Variants in DPY19L2 observed in about 807,000 individuals in gnomAD.
The protein encoded by DPY19L2 is probable C-mannosyltransferase DPY19L2.
A neutral mutation model predicts 97.9 loss-of-function variants in DPY19L2; 34 were observed. The ratio of observed to expected loss-of-function variants is 0.35; its 90% CI spans 0.26 to 0.46. DPY19L2 has a LOEUF of 0.46. Ranked by LOEUF, DPY19L2 falls within the 20% of genes least tolerant of loss-of-function variation. The pLI, the probability that DPY19L2 is intolerant of heterozygous loss-of-function variation, is 1.00. For missense variants in DPY19L2, 623 were observed against 911.4 expected, an observed-to-expected ratio of 0.68 and a Z score of 4.07; for synonymous variants, 230 against 307.9, an observed-to-expected ratio of 0.75 and a Z score of 2.65.
At chr12:63,638,621 G>A (rs1310320627) in intron 6 of DPY19L2, among the ~76,000 whole-genome samples, 2 of 150,458 alleles carry the variant, frequency 1.3e-5, no homozygotes, top group African/African-American at 2.4e-5. Context: ...GTTTCAAAGA[G>A]AATACCTAGG....
At chr12:63,663,881 C>G in intron 2 of DPY19L2, 36 bp from the exon 3 acceptor site, 1 of 1,426,246 alleles carries the variant, frequency 7.0e-7, no homozygotes, top group South Asian at 1.3e-5. Context: ...ACAATAAGAA[C>G]GAGTTTCAAA....
Position 63,663,839 on chromosome 12 carries a change from ATGT to A in DPY19L2, c.366_368del (p.Leu122_His123delinsPhe). On this transcript the variant is annotated inframe_deletion, in exon 3 of 22. Coordinates refer to ENST00000324472, the MANE Select transcript of DPY19L2 (RefSeq NM_173812.5). ...GATCATTTTCAAAAAGTGTTACTAAATGTAACCTAGAAAAAAATGAAGTATCAT... is the reference window on the plus strand; with the variant it reads ...GATCATTTTCAAAAAGTGTTACTAAAAACCTAGAAAAAAATGAAGTATCAT... The A allele has an allele frequency of 6.3e-7, 1 of 1,599,182 alleles. No homozygotes were observed. Among genetic ancestry groups the A allele is most frequent in the African/African-American group, 1.3e-5 (1 of 74,178 alleles).
chr12:63,606,170 A>C (rs1404876885), intron 12 of DPY19L2, among the ~76,000 whole-genome samples: 1 of 152,104 alleles, frequency 6.6e-6, no homozygotes, highest in Non-Finnish European at 1.5e-5. Flanking sequence ...AATTTCTAAT[A>C]ATTTGTCAAT....
At chr12:63,642,321 G>A (rs1892811810) in intron 6 of DPY19L2, among the ~76,000 whole-genome samples, 1 of 151,444 alleles carries the variant, frequency 6.6e-6, no homozygotes, top group Admixed American at 6.6e-5. Flanking sequence ...ATTCTTTTGA[G>A]GAACTGAAGT....
intron 4 of DPY19L2, among the ~76,000 whole-genome samples, chr12:63,651,114 T>A (rs1333281701): frequency 6.6e-6 from 1 of 152,024 alleles, no homozygotes; most frequent in Non-Finnish European, 1.5e-5. Context: ...CCTAGAACCA[T>A]CTGATTTTCA....
chr12:63,668,474 C>G lies in DPY19L2; in HGVS notation c.-81G>C. On this transcript the variant is annotated 5_prime_UTR_variant, in exon 1 of 22. Coordinates refer to ENST00000324472, the MANE Select transcript of DPY19L2 (RefSeq NM_173812.5). The stretch of plus-strand genomic sequence containing the variant: ...GCGAGGTCCAGAGAGACCTGACTCG[C>G]CTGGCAGCCTCAACGGACTTGTCCC... 7.3e-7 allele frequency: 1 copy of G among 1,366,102 alleles called. No homozygotes were observed. Among genetic ancestry groups the G allele is most frequent in the Non-Finnish European group, 9.7e-7 (1 of 1,029,612 alleles). The allele number at this position is 1,366,102 out of a possible 1,614,324, so 84.6% of individuals were successfully genotyped here. A position where few individuals can be genotyped will look rare whatever the true frequency, so the allele number is the denominator to read the frequency against.
At chr12:63,615,052 T>C (rs116529687) in intron 11 of DPY19L2, among the ~76,000 whole-genome samples, 2,475 of 152,212 alleles carry the variant, frequency 0.016, 73 homozygotes, top group African/African-American at 0.055. Context: ...ACGAGTGTCA[T>C]GTCAGAGAAC....
chr12:63,583,904 C>T (rs1253879263), intron 16 of DPY19L2, 68 bp from the exon 17 acceptor site: 42 of 1,336,372 alleles, frequency 3.1e-5, no homozygotes, highest in Admixed American at 1.0e-4. Context: ...TAAAAATAAG[C>T]TTCATTTGCT....
intron 13 of DPY19L2, among the ~76,000 whole-genome samples, chr12:63,598,324 A>C (rs929866848): frequency 6.6e-6 from 1 of 152,208 alleles, no homozygotes; most frequent in Non-Finnish European, 1.5e-5. Flanking sequence ...TCATTTTCAC[A>C]AAGCCTCGCA....
At chr12:63,614,454 C>T (rs1161430246) in intron 11 of DPY19L2, among the ~76,000 whole-genome samples, 1 of 151,842 alleles carries the variant, frequency 6.6e-6, no homozygotes, top group African/African-American at 2.4e-5. Flanking sequence ...GTACAGTATG[C>T]AATACTCTGT....
intron 12 of DPY19L2, among the ~76,000 whole-genome samples, chr12:63,600,787 G>T (rs1885035152): frequency 7.5e-6 from 1 of 133,056 alleles, no homozygotes; most frequent in South Asian, 2.4e-4. Flanking sequence ...TCTAAAGGAA[G>T]TTTTTTTTTT....
At chr12:63,610,693 A>C (rs1385219960) in intron 11 of DPY19L2, among the ~76,000 whole-genome samples, 1 of 150,970 alleles carries the variant, frequency 6.6e-6, no homozygotes, top group African/African-American at 2.4e-5. Flanking sequence ...CATTTAAATA[A>C]GAATTCACAC....
rs1201797922 is a variant in DPY19L2 at position 63,621,242 on chromosome 12, G to A, written c.1049C>T (p.Thr350Ile). 1.0e-6 allele frequency: 1 copy of A among 991,694 alleles called. No homozygotes were observed. Among genetic ancestry groups the A allele is most frequent in the Non-Finnish European group, 1.5e-6 (1 of 653,168 alleles). 61.4% of individuals were successfully genotyped at this position (991,694 alleles called of 1,614,324 possible). Residue 350 changes from threonine to isoleucine, a missense_variant, in exon 9 of 22, where the codon ACA (threonine) becomes ATA (isoleucine). By Grantham distance (89) the Thr-to-Ile change is moderately conservative. Around this residue, in one of 6 missense-constraint regions of DPY19L2, gnomAD observed 7 missense variants for 55.0 expected, o/e 0.13. Coordinates refer to ENST00000324472, the MANE Select transcript of DPY19L2 (RefSeq NM_173812.5). ...PWQFAQFILFTQIASLFPMYV... is the reference protein window; with the variant it reads ...PWQFAQFILFIQIASLFPMYV... ...TAATTTAAAAAATCATCTTACCTGTGTAAAAAGTATAAACTGAGCAAATTG... is the reference window on the plus strand; with the variant it reads ...TAATTTAAAAAATCATCTTACCTGTATAAAAAGTATAAACTGAGCAAATTG...
At chr12:63,630,393 CAA>C (rs531205347) in intron 6 of DPY19L2, among the ~76,000 whole-genome samples, 1 of 151,400 alleles carries the variant, frequency 6.6e-6, no homozygotes, top group South Asian at 2.1e-4. Flanking sequence ...AAATGGAAAA[CAA>C]AAAAAGGCAG....
intron 12 of DPY19L2, among the ~76,000 whole-genome samples, 174 bp downstream of exon 12, chr12:63,608,442 T>C (rs186537545): frequency 6.6e-6 from 1 of 152,332 alleles, no homozygotes; most frequent in African/African-American, 2.4e-5. Flanking sequence ...TTTCTAGTCC[T>C]TGCTAAGGAC....
Position 63,668,330 on chromosome 12 carries a change from G to GC in DPY19L2, c.63dup (p.Arg22AlafsTer66). 6.2e-7 allele frequency: 1 copy of GC among 1,613,874 alleles called. No homozygotes were observed. The highest frequency in any genetic ancestry group is 1.1e-5 in the South Asian group (1 of 91,070). On this transcript the variant is annotated frameshift_variant, in exon 1 of 22. Coordinates refer to ENST00000324472, the MANE Select transcript of DPY19L2 (RefSeq NM_173812.5). LOFTEE classifies it high-confidence loss of function. ...TCCCGGGCGAGGGAGGCCCCGCGCC[G>GC]CCCCTTAGACTGGCTGCGGCCGGAA...
intron 7 of DPY19L2, among the ~76,000 whole-genome samples, chr12:63,624,349 A>G (rs1889183152): frequency 6.6e-6 from 1 of 152,110 alleles, no homozygotes; most frequent in African/African-American, 2.4e-5. Flanking sequence ...CAACAGATAT[A>G]TCAGACCGAG....
intron 6 of DPY19L2, among the ~76,000 whole-genome samples, chr12:63,638,850 C>G (rs565874470): frequency 6.6e-6 from 1 of 152,228 alleles, no homozygotes; most frequent in Non-Finnish European, 1.5e-5. Flanking sequence ...TTGGAAAAAA[C>G]TACTTAAAAG....
At chr12:63,584,364 T>C in intron 16 of DPY19L2, among the ~76,000 whole-genome samples, 1 of 152,194 alleles carries the variant, frequency 6.6e-6, no homozygotes, top group Non-Finnish European at 1.5e-5. Flanking sequence ...ATATTTATAG[T>C]ACACCTACTG....
Sources: gnomAD v4.1 joint callset for allele counts (sites outside exome capture counted in the v4.1 genomes callset) on GRCh38, gnomAD v4.1.1 for gene constraint, gnomAD v4.1.1 regional missense constraint, MANE v1.5 for transcripts, NCBI Gene and HGNC (gene_info 2026-07-23, HGNC 2026-07-21) for gene names.